Variants in KCNQ3 observed in about 807,000 individuals in gnomAD.
The protein encoded by KCNQ3 is potassium voltage-gated channel subfamily Q member 3.
A neutral mutation model predicts 92.5 loss-of-function variants in KCNQ3; 30 were observed. That is an observed-to-expected ratio of 0.32 (90% confidence interval 0.24 to 0.44). The LOEUF is 0.44. KCNQ3 is among the 20% of genes least tolerant of loss of function. The pLI is 1.00. For synonymous variants in KCNQ3, 450 were observed against 468.8 expected, an observed-to-expected ratio of 0.96 and a Z score of 0.52; for missense variants, 913 against 1,140.3, an observed-to-expected ratio of 0.80 and a Z score of 2.87.
At chr8:132,422,874 T>TTCAGGTAC (rs1223546629) in intron 1 of KCNQ3, among the ~76,000 whole-genome samples, 1 of 151,938 alleles carries the variant, frequency 6.6e-6, no homozygotes, top group African/African-American at 2.4e-5. Context: ...GGGTGAGAAT[T>TTCAGGTAC]TCAGGTACAA....
intron 1 of KCNQ3, among the ~76,000 whole-genome samples, chr8:132,276,975 A>T (rs971411342): frequency 4.6e-5 from 7 of 152,250 alleles, no homozygotes; most frequent in Admixed American, 1.3e-4. Context: ...TTCTTGGCAC[A>T]GAATGAGCCC....
chr8:132,409,120 G>T (rs1022222532), intron 1 of KCNQ3, among the ~76,000 whole-genome samples: 3 of 152,154 alleles, frequency 2.0e-5, no homozygotes, highest in Admixed American at 1.3e-4. Context: ...ACACCTAGGG[G>T]TGACAAATAC....
chr8:132,386,444 A>G (rs1433831015), intron 1 of KCNQ3, among the ~76,000 whole-genome samples: 1 of 152,154 alleles, frequency 6.6e-6, no homozygotes, highest in Non-Finnish European at 1.5e-5. Context: ...TCTCAAAAAT[A>G]TTAATTATAG....
At chr8:132,395,180 G>A (rs912029032) in intron 1 of KCNQ3, among the ~76,000 whole-genome samples, 1 of 152,188 alleles carries the variant, frequency 6.6e-6, no homozygotes, top group Non-Finnish European at 1.5e-5. Context: ...AGTACATAGT[G>A]ATGCTTCGAT....
In KCNQ3 at chr8:132,141,768, A is replaced by G. The variant is rs1223712046; in HGVS notation, c.1263-437T>C. On this transcript the variant is annotated intron_variant, in intron 9 of 14. Coordinates refer to ENST00000388996, the MANE Select transcript of KCNQ3 (RefSeq NM_004519.4). ...AGGATTCCTCCTTGAAAAGAAACTG[A>G]CAACACAAATGACGTAAAGCAGCAC... Among the ~76,000 whole-genome samples, 10 of 152,320 alleles carry G rather than the reference A, an allele frequency of 6.6e-5. No homozygotes were observed. In the East Asian group the frequency reaches 1.9e-3, roughly 29 times the overall value.
chr8:132,339,896 T>C (rs895692828), intron 1 of KCNQ3, among the ~76,000 whole-genome samples: 2 of 150,608 alleles, frequency 1.3e-5, no homozygotes, highest in African/African-American at 4.9e-5. Flanking sequence ...TATGAGGACA[T>C]CCAGCAACAC....
chr8:132,424,048 T>C (rs945734616), intron 1 of KCNQ3, among the ~76,000 whole-genome samples: 1 of 152,212 alleles, frequency 6.6e-6, no homozygotes, highest in African/African-American at 2.4e-5. Flanking sequence ...ATGAAAAGCT[T>C]GATACTCTTC....
intron 1 of KCNQ3, among the ~76,000 whole-genome samples, chr8:132,232,942 G>C (rs745665921): frequency 6.6e-6 from 1 of 152,154 alleles, no homozygotes; most frequent in Non-Finnish European, 1.5e-5. Flanking sequence ...TTTTTATGAT[G>C]ATGAGGCAAC....
chr8:132,273,425 C>A (rs1405125084), intron 1 of KCNQ3, among the ~76,000 whole-genome samples: 3 of 152,170 alleles, frequency 2.0e-5, no homozygotes, highest in Non-Finnish European at 4.4e-5. Context: ...TTAGGCTGCA[C>A]ACAGCATGGG....
At chr8:132,286,098 G>T (rs1302821875) in intron 1 of KCNQ3, among the ~76,000 whole-genome samples, 2 of 152,170 alleles carry the variant, frequency 1.3e-5, no homozygotes, top group African/African-American at 4.8e-5. Flanking sequence ...GCAAAAATTT[G>T]CTTCATGGGT....
At chr8:132,249,032 G>C (rs575986027) in intron 1 of KCNQ3, among the ~76,000 whole-genome samples, 1 of 152,080 alleles carries the variant, frequency 6.6e-6, no homozygotes, top group South Asian at 2.1e-4. Flanking sequence ...GGATGTGTTC[G>C]GAGTTTCTTC....
At chr8:132,470,655 T>G (rs1822278358) in intron 1 of KCNQ3, among the ~76,000 whole-genome samples, 1 of 152,260 alleles carries the variant, frequency 6.6e-6, no homozygotes, top group South Asian at 2.1e-4. Flanking sequence ...TTATCTACTA[T>G]GGAGGCCATG....
At chr8:132,448,136 T>C (rs1012095048) in intron 1 of KCNQ3, among the ~76,000 whole-genome samples, 2 of 152,146 alleles carry the variant, frequency 1.3e-5, no homozygotes, top group African/African-American at 4.8e-5. Context: ...TGGGAGCTAT[T>C]CTGCCCCCTG....
intron 1 of KCNQ3, among the ~76,000 whole-genome samples, chr8:132,391,879 C>T (rs1026594576): frequency 2.0e-5 from 3 of 152,120 alleles, no homozygotes; most frequent in Non-Finnish European, 2.9e-5. Flanking sequence ...CCTGCACTGG[C>T]GAGGGTGGGT....
chr8:132,163,521 A>G (rs773580838), intron 8 of KCNQ3, 27 bp from the exon 9 acceptor site: 1 of 1,600,798 alleles, frequency 6.2e-7, no homozygotes, highest in Non-Finnish European at 8.6e-7. Flanking sequence ...GAGAAAAAAT[A>G]AAGCATAAAT....
chr8:132,472,758 G>T (rs553694356), intron 1 of KCNQ3, among the ~76,000 whole-genome samples: 1 of 152,160 alleles, frequency 6.6e-6, no homozygotes, highest in African/African-American at 2.4e-5. Context: ...TAAGAGAGAG[G>T]ACTTGAAATG....
intron 9 of KCNQ3, among the ~76,000 whole-genome samples, chr8:132,162,444 C>T (rs1268585928): frequency 1.3e-5 from 2 of 152,166 alleles, no homozygotes. Context: ...AGCCTGTCCT[C>T]TCCAGGGACC....
At chr8:132,350,386 T>C (rs2130703283) in intron 1 of KCNQ3, among the ~76,000 whole-genome samples, 1 of 152,324 alleles carries the variant, frequency 6.6e-6, no homozygotes, top group South Asian at 2.1e-4. Context: ...CCCTTTGTTC[T>C]AGTCTTCCTA....
At chr8:132,274,029 T>C (rs1446612939) in intron 1 of KCNQ3, among the ~76,000 whole-genome samples, 1 of 152,202 alleles carries the variant, frequency 6.6e-6, no homozygotes, top group East Asian at 1.9e-4. Context: ...TTCCAAACTC[T>C]TCCTGTTACC....
Sources: gnomAD v4.1 joint callset for allele counts (sites outside exome capture counted in the v4.1 genomes callset) on GRCh38, gnomAD v4.1.1 for gene constraint, MANE v1.5 for transcripts, NCBI Gene and HGNC (gene_info 2026-07-23, HGNC 2026-07-21) for gene names.